Variants in DIPK1A observed in about 807,000 individuals in gnomAD.
DIPK1A encodes family with sequence similarity 69 member A.
A neutral mutation model predicts 40.8 loss-of-function variants in DIPK1A; 27 were observed. The observed-to-expected ratio is 0.66, with a 90% CI of 0.49 to 0.91. The LOEUF is 0.91. Ranked by LOEUF, DIPK1A falls within the 40% of genes least tolerant of loss-of-function variation. The pLI, the probability that DIPK1A is intolerant of heterozygous loss-of-function variation, is 0.00. For missense variants in DIPK1A, 412 were observed against 505.7 expected (o/e 0.81, Z 1.78); for synonymous variants, 166 against 171.3 (o/e 0.97, Z 0.24).
chr1:92,898,588 T>G (rs935508788), intron 1 of DIPK1A, among the ~76,000 whole-genome samples: 6 of 152,024 alleles, frequency 3.9e-5, no homozygotes, highest in Non-Finnish European at 4.4e-5. Context: ...GATTCTCTGA[T>G]CTCAGCCTCC....
At chr1:92,914,197 C>T (rs1287586519) in intron 1 of DIPK1A, among the ~76,000 whole-genome samples, 1 of 150,826 alleles carries the variant, frequency 6.6e-6, no homozygotes, top group African/African-American at 2.4e-5. Context: ...ACTAGATTAT[C>T]AGTAGACATC....
intron 4 of DIPK1A, chr1:92,834,687 A>C (rs576792738): frequency 6.5e-7 from 1 of 1,529,640 alleles, no homozygotes; most frequent in Non-Finnish European, 9.0e-7. Context: ...ATCTGTGTCC[A>C]TCAATGTTTT....
chr1:92,851,551 A>AAAAAAAAC (rs1687822589), intron 2 of DIPK1A, among the ~76,000 whole-genome samples: 2 of 94,594 alleles, frequency 2.1e-5, no homozygotes, highest in Admixed American at 2.4e-4. Flanking sequence ...TCAAAAAAAA[A>AAAAAAAAC]AAAAAAAAAA....
At chr1:92,930,157 C>T (rs1446356014) in intron 1 of DIPK1A, among the ~76,000 whole-genome samples, 2 of 149,478 alleles carry the variant, frequency 1.3e-5, no homozygotes, top group Non-Finnish European at 3.0e-5. Context: ...TTTTGTAAGC[C>T]AGGGGAGTGA....
chr1:92,956,867 A>G (rs1651874327), intron 1 of DIPK1A, among the ~76,000 whole-genome samples: 1 of 152,204 alleles, frequency 6.6e-6, no homozygotes, highest in Non-Finnish European at 1.5e-5. Context: ...GTCATTTTCA[A>G]GAGGATACTT....
At chr1:92,838,058 G>A (rs573124400), downstream of DIPK1A, among the ~76,000 whole-genome samples, 1 of 152,304 alleles carries the variant, frequency 6.6e-6, no homozygotes, top group Non-Finnish European at 1.5e-5. Flanking sequence ...TAGAAATGAG[G>A]GGAGCCATGT....
intron 1 of DIPK1A, among the ~76,000 whole-genome samples, chr1:92,876,682 A>G (rs937567596): frequency 6.6e-6 from 1 of 152,150 alleles, no homozygotes; most frequent in African/African-American, 2.4e-5. Context: ...AAATACCACC[A>G]TCATCCAAAG....
At chr1:92,835,100 C>G (rs1241424620) in intron 4 of DIPK1A, 2 of 781,572 alleles carry the variant, frequency 2.6e-6, no homozygotes, top group Non-Finnish European at 4.2e-6. Flanking sequence ...TGCAATGACA[C>G]AAATCTGTAA....
chr1:92,929,422 G>A lies in DIPK1A; in HGVS notation c.54+31954C>T, dbSNP rs539681806. 2.0e-5 allele frequency among the ~76,000 whole-genome samples: 3 copies of A among 152,304 alleles called. No individual in the cohort carries two copies. In the East Asian group the frequency reaches 5.8e-4, roughly 29 times the overall value. ...TCCTGGGCCTCCCCACACATATGAA[G>A]GAATTGGGTGGATGTTAAATGCAGG... is the stretch of plus-strand genomic sequence containing the variant. On this transcript the variant is annotated intron_variant, in intron 1 of 4. Transcript: ENST00000370310.
downstream of DIPK1A, chr1:92,840,572 G>A: frequency 6.2e-7 from 1 of 1,613,110 alleles, no homozygotes. Context: ...GTATAAGAAA[G>A]CTCATGCTGC....
chr1:92,916,894 A>T (rs1460515022), intron 1 of DIPK1A, among the ~76,000 whole-genome samples: 2 of 152,168 alleles, frequency 1.3e-5, no homozygotes, highest in Non-Finnish European at 2.9e-5. Flanking sequence ...TGAAACTCAA[A>T]TTTTTCCTAT....
chr1:92,879,153 C>T (rs972722514), intron 1 of DIPK1A, among the ~76,000 whole-genome samples: 4 of 152,146 alleles, frequency 2.6e-5, no homozygotes, highest in Non-Finnish European at 5.9e-5. Flanking sequence ...GCACTACAGC[C>T]TGGGTGACAC....
At chr1:92,870,075 T>TACACACACACAC (rs3221733) in intron 2 of DIPK1A, among the ~76,000 whole-genome samples, 18 of 66,454 alleles carry the variant, frequency 2.7e-4, no homozygotes, top group African/African-American at 6.5e-4. Context: ...GAATTATATA[T>TACACACACACAC]ACACACACAC....
rs116179938 is a variant in DIPK1A at position 92,958,790 on chromosome 1, A to G, written c.54+2586T>C. Among the ~76,000 whole-genome samples the G allele has an allele frequency of 1.6e-3, 237 of 152,334 alleles. 2 individuals are homozygous for G. Among genetic ancestry groups the G allele is most frequent in the Admixed American group, 3.5e-3 (54 of 15,304 alleles). On this transcript the variant is annotated intron_variant, in intron 1 of 4. Transcript: ENST00000370310. ...CAGAGAGACCCATCCAAATCACAGT[A>G]AACTCACTCCATGGCAAATCAAATT... is the stretch of plus-strand genomic sequence containing the variant.
chr1:92,940,721 C>T (rs1246505481), intron 1 of DIPK1A, among the ~76,000 whole-genome samples: 2 of 152,214 alleles, frequency 1.3e-5, no homozygotes, highest in African/African-American at 4.8e-5. Context: ...TAGTTGCAAA[C>T]TGCTTTCCAT....
chr1:92,929,386 T>G (rs1050377067), intron 1 of DIPK1A, among the ~76,000 whole-genome samples: 5 of 152,206 alleles, frequency 3.3e-5, no homozygotes, highest in African/African-American at 1.2e-4. Context: ...GTGCTGCTTT[T>G]TCATTGCATT....
chr1:92,946,701 T>C (rs1257228245), intron 1 of DIPK1A, among the ~76,000 whole-genome samples: 1 of 152,102 alleles, frequency 6.6e-6, no homozygotes, highest in African/African-American at 2.4e-5. Context: ...CCCAGTACTT[T>C]GGGGGCTGAG....
At chr1:92,836,510 C>A in intron 4 of DIPK1A, 1 of 904,426 alleles carries the variant, frequency 1.1e-6, no homozygotes, top group South Asian at 1.4e-5. Context: ...TGCTGTATGC[C>A]TAGGTACCAT....
At chr1:92,842,031 A>T (rs1045841933), downstream of DIPK1A, 1 of 786,314 alleles carries the variant, frequency 1.3e-6, no homozygotes, top group African/African-American at 1.8e-5. Context: ...AACAAGTGTA[A>T]CTAACTTTTT....
Sources: gnomAD v4.1 joint callset for allele counts (sites outside exome capture counted in the v4.1 genomes callset) on GRCh38, gnomAD v4.1.1 for gene constraint, MANE v1.5 for transcripts, NCBI Gene and HGNC (gene_info 2026-07-23, HGNC 2026-07-21) for gene names.